NR2F1-AS1: variants seen among roughly 807,000 people sequenced by gnomAD.
NR2F1-AS1 encodes the protein NR2F1 regulatory antisense RNA 1.
At chr5:93,547,151 A>C (rs1183884133) in intron 4 of NR2F1-AS1, among the ~76,000 whole-genome samples, 1 of 152,080 alleles carries the variant, frequency 6.6e-6, no homozygotes, top group Non-Finnish European at 1.5e-5. Context: ...GGGTGTGTGT[A>C]TGTATATGCA....
chr5:93,538,032 T>C (rs1015906702), intron 4 of NR2F1-AS1, among the ~76,000 whole-genome samples: 1 of 152,068 alleles, frequency 6.6e-6, no homozygotes, highest in Non-Finnish European at 1.5e-5. Flanking sequence ...TGTGTGTGAG[T>C]GAGCCTTGCA....
chr5:93,493,368 G>A (rs1750891389), intron 4 of NR2F1-AS1, among the ~76,000 whole-genome samples: 1 of 151,830 alleles, frequency 6.6e-6, no homozygotes, highest in Non-Finnish European at 1.5e-5. Flanking sequence ...CTTTTATTGT[G>A]TAATACACAA....
chr5:93,497,190 A>G (rs1289743679), intron 4 of NR2F1-AS1, among the ~76,000 whole-genome samples: 1 of 152,164 alleles, frequency 6.6e-6, no homozygotes, highest in African/African-American at 2.4e-5. Context: ...ATAACCCAAA[A>G]GCTAGCTTTC....
chr5:93,426,899 G>A (rs1749207366), intron 4 of NR2F1-AS1, among the ~76,000 whole-genome samples: 1 of 152,028 alleles, frequency 6.6e-6, no homozygotes, highest in African/African-American at 2.4e-5. Flanking sequence ...CCCCCCTCCC[G>A]CCAAGGCATA....
At chr5:93,502,984 T>A (rs917610365) in intron 4 of NR2F1-AS1, among the ~76,000 whole-genome samples, 7 of 152,134 alleles carry the variant, frequency 4.6e-5, no homozygotes, top group African/African-American at 1.7e-4. Context: ...AATTACATTG[T>A]TTACCTATGG....
intron 4 of NR2F1-AS1, among the ~76,000 whole-genome samples, chr5:93,453,723 C>A (rs1331174733): frequency 6.6e-6 from 1 of 151,706 alleles, no homozygotes; most frequent in African/African-American, 2.4e-5. Context: ...AAACAAAAAA[C>A]AAATAAAAAA....
chr5:93,419,957 G>A (rs921733537), intron 4 of NR2F1-AS1, among the ~76,000 whole-genome samples: 1 of 152,176 alleles, frequency 6.6e-6, no homozygotes, highest in African/African-American at 2.4e-5. Flanking sequence ...AGCAATCTGG[G>A]AGGCAGAGGT....
intron 4 of NR2F1-AS1, among the ~76,000 whole-genome samples, chr5:93,536,284 T>C (rs1441918289): frequency 6.6e-6 from 1 of 152,110 alleles, no homozygotes; most frequent in East Asian, 1.9e-4. Flanking sequence ...ATGAAAGAAA[T>C]TGAAGAGGAC....
chr5:93,533,858 G>A (rs1751782916), intron 4 of NR2F1-AS1, among the ~76,000 whole-genome samples: 1 of 152,138 alleles, frequency 6.6e-6, no homozygotes, highest in East Asian at 1.9e-4. Flanking sequence ...TAGGCCAGGC[G>A]CAGTGGCTCA....
In NR2F1-AS1 at chr5:93,470,224, T is replaced by C. The variant is rs950953572; in HGVS notation, n.639-74682A>G. Among the ~76,000 whole-genome samples, 5 of 152,096 alleles carry C rather than the reference T, an allele frequency of 3.3e-5. No homozygotes were observed. The South Asian group carries it at 1.0e-3, about 32-fold the overall frequency. ...AAGGGTACCTAATATACTTAGAAAT[T>C]ATGGAAATCCCAAATAATGACAGCA... On this transcript the variant is annotated intron_variant and non_coding_transcript_variant, in intron 4 of 5. Coordinates refer to ENST00000660523, the Ensembl canonical transcript of NR2F1-AS1.
At chr5:93,570,170 G>A (rs1752718638) in intron 1 of NR2F1-AS1, 1 of 152,198 alleles carries the variant, frequency 6.6e-6, no homozygotes, top group African/African-American at 2.4e-5. Context: ...GCAGATGGGT[G>A]TTTTAAAAAG....
At chr5:93,484,665 TAA>T (rs1187650214) in intron 4 of NR2F1-AS1, among the ~76,000 whole-genome samples, 2 of 148,858 alleles carry the variant, frequency 1.3e-5, no homozygotes, top group South Asian at 2.1e-4. Context: ...GCAAATTGGA[TAA>T]AGAGTCAAGA....
intron 4 of NR2F1-AS1, among the ~76,000 whole-genome samples, chr5:93,526,894 T>C (rs563384151): frequency 1.2e-4 from 19 of 152,318 alleles, no homozygotes; most frequent in African/African-American, 4.3e-4. Context: ...AATATCATAC[T>C]GAATGGGCAA....
chr5:93,412,948 A>G lies in NR2F1-AS1; in HGVS notation n.639-17406T>C, dbSNP rs184909011. ...CTGCTGGCTTATGCTAGTGAAACCA[A>G]GTTCCCAGTCCCTAATACACCTAAT... On this transcript the variant is annotated intron_variant and non_coding_transcript_variant, in intron 4 of 5. Coordinates refer to ENST00000660523, the Ensembl canonical transcript of NR2F1-AS1. 2.3e-3 allele frequency among the ~76,000 whole-genome samples: 356 copies of G among 152,130 alleles called. 1 individual carries two copies. Among genetic ancestry groups the G allele is most frequent in the Non-Finnish European group, 3.9e-3 (267 of 68,000 alleles).
intron 1 of NR2F1-AS1, chr5:93,571,334 T>C (rs1357919700): frequency 3.3e-5 from 5 of 151,448 alleles, no homozygotes; most frequent in Admixed American, 1.3e-4. Context: ...GACCACGACC[T>C]TGGAGCTCAG....
intron 4 of NR2F1-AS1, among the ~76,000 whole-genome samples, chr5:93,540,283 T>C (rs941456933): frequency 1.3e-5 from 2 of 152,212 alleles, no homozygotes; most frequent in African/African-American, 4.8e-5. Context: ...GGAAGGAATA[T>C]GTCTGATGAG....
At chr5:93,430,646 G>A (rs150661736) in intron 4 of NR2F1-AS1, among the ~76,000 whole-genome samples, 23 of 152,146 alleles carry the variant, frequency 1.5e-4, no homozygotes, top group Middle Eastern at 3.4e-3. Flanking sequence ...TTATTATGCC[G>A]AAAGAAGAAT....
intron 4 of NR2F1-AS1, among the ~76,000 whole-genome samples, chr5:93,534,067 C>G (rs569562669): frequency 1.3e-5 from 2 of 152,176 alleles, no homozygotes; most frequent in South Asian, 4.1e-4. Flanking sequence ...GGGGAACGAG[C>G]GAGTGTCACA....
At chr5:93,464,905 T>A (rs1194045242) in intron 4 of NR2F1-AS1, among the ~76,000 whole-genome samples, 1 of 152,220 alleles carries the variant, frequency 6.6e-6, no homozygotes, top group East Asian at 1.9e-4. Context: ...TCTGCAGTAC[T>A]CTTCCAAAGG....
Sources: allele counts gnomAD v4.1 joint callset (sites outside exome capture counted in the v4.1 genomes callset), GRCh38; gene constraint gnomAD v4.1.1; transcripts MANE v1.5; gene names NCBI Gene and HGNC (gene_info 2026-07-23, HGNC 2026-07-21).